MAGI1: variants seen among roughly 807,000 people sequenced by gnomAD.
MAGI1 encodes membrane-associated guanylate kinase, WW and PDZ domain-containing protein 1.
A neutral mutation model predicts 139.9 loss-of-function variants in MAGI1; 58 were observed. The ratio of observed to expected loss-of-function variants is 0.41; its 90% CI spans 0.34 to 0.52. The LOEUF is 0.52. Among genes scored for constraint, MAGI1 ranks in the 20% least tolerant of loss-of-function variants. The pLI, the probability that MAGI1 is intolerant of heterozygous loss-of-function variation, is 0.12. For missense variants in MAGI1, 1,874 were observed against 1,901.6 expected (o/e 0.99, Z 0.27); for synonymous variants, 812 against 737.9 (o/e 1.10, Z -1.63).
At chr3:65,898,930 T>A (rs181517566) in intron 1 of MAGI1, among the ~76,000 whole-genome samples, 13,670 of 151,826 alleles carry the variant, frequency 0.09, 800 homozygotes, top group Middle Eastern at 0.16. Flanking sequence ...TTTAAAAAAA[T>A]TTTTTTTTGA....
chr3:65,891,558 AC>A (rs979543107), intron 1 of MAGI1, among the ~76,000 whole-genome samples: 2 of 152,044 alleles, frequency 1.3e-5, no homozygotes, highest in Admixed American at 6.5e-5. Flanking sequence ...ATTATACATT[AC>A]CAAGGTTACT....
chr3:65,950,898 A>T (rs1358757367), intron 1 of MAGI1, among the ~76,000 whole-genome samples: 1 of 151,808 alleles, frequency 6.6e-6, no homozygotes, highest in African/African-American at 2.4e-5. Context: ...CCACATTAAA[A>T]GAATTGTCTT....
At chr3:65,377,786 T>C (rs933920762) in intron 17 of MAGI1, among the ~76,000 whole-genome samples, 1 of 152,212 alleles carries the variant, frequency 6.6e-6, no homozygotes, top group Non-Finnish European at 1.5e-5. Flanking sequence ...AAAAGCACTG[T>C]TAGTAATAGG....
intron 1 of MAGI1, among the ~76,000 whole-genome samples, chr3:65,950,106 AC>A (rs2063756907): frequency 1.2e-5 from 1 of 84,206 alleles, no homozygotes; most frequent in East Asian, 3.9e-4. Flanking sequence ...AAAAAAAAAA[AC>A]AGAACTAGCA....
chr3:65,378,040 C>T (rs144520210), intron 17 of MAGI1, among the ~76,000 whole-genome samples: 1 of 152,200 alleles, frequency 6.6e-6, no homozygotes, highest in African/African-American at 2.4e-5. Context: ...ACAGCCTGCA[C>T]AGCCCTTCCC....
At chr3:65,743,067 G>A (rs1020708011) in intron 1 of MAGI1, among the ~76,000 whole-genome samples, 3 of 151,920 alleles carry the variant, frequency 2.0e-5, no homozygotes, top group African/African-American at 4.8e-5. Context: ...TCTCTACAAA[G>A]ACATCTGCAT....
At position 65,807,361 on chromosome 3, in the gene MAGI1, C is replaced by T. The variant is rs952827502; in HGVS notation, c.314-185273G>A. Among the ~76,000 whole-genome samples the T allele has an allele frequency of 5.3e-5, 8 of 152,106 alleles. No individual in the cohort carries two copies. The East Asian group carries it at 7.7e-4, about 15-fold the overall frequency. On this transcript the variant is annotated intron_variant, in intron 1 of 22. Coordinates refer to ENST00000402939, the MANE Select transcript of MAGI1 (RefSeq NM_001033057.2). ...ACATATAGGAAGGACAAAAAGGGAC[C>T]GGCTTTCTCTTCAACCTCTGTTTAT...
At chr3:65,397,093 T>A (rs1944451989) in intron 13 of MAGI1, among the ~76,000 whole-genome samples, 1 of 152,288 alleles carries the variant, frequency 6.6e-6, no homozygotes. Flanking sequence ...TCCTATGCCT[T>A]CACCCATCTA....
chr3:65,967,339 C>T (rs1156700953), intron 1 of MAGI1, among the ~76,000 whole-genome samples: 1 of 152,220 alleles, frequency 6.6e-6, no homozygotes, highest in East Asian at 1.9e-4. Flanking sequence ...AAGAAAACAT[C>T]GGGAGGAGAG....
intron 10 of MAGI1, among the ~76,000 whole-genome samples, chr3:65,431,527 T>C (rs1191715378): frequency 2.0e-5 from 3 of 152,224 alleles, no homozygotes; most frequent in Admixed American, 6.6e-5. Context: ...AACGCATGCC[T>C]AGGGCTAAGA....
chr3:65,705,566 C>T (rs1219565150), intron 1 of MAGI1, among the ~76,000 whole-genome samples: 1 of 152,222 alleles, frequency 6.6e-6, no homozygotes, highest in African/African-American at 2.4e-5. Flanking sequence ...TCTTTATTCA[C>T]ATGGGGAGCA....
chr3:65,382,905 CG>C, intron 15 of MAGI1, among the ~76,000 whole-genome samples: 1 of 152,068 alleles, frequency 6.6e-6, no homozygotes, highest in East Asian at 1.9e-4. Context: ...AGTAAGCGCT[CG>C]ATGAATAATG....
chr3:65,571,577 GATAAGCAACCAAC>G (rs536335961), intron 2 of MAGI1, among the ~76,000 whole-genome samples: 208 of 151,886 alleles, frequency 1.4e-3, no homozygotes, highest in African/African-American at 4.7e-3. Flanking sequence ...CAGAAAAAGC[GATAAGCAACCAAC>G]TTCTCTGAGT....
intron 2 of MAGI1, among the ~76,000 whole-genome samples, chr3:65,504,406 A>C (rs1576062918): frequency 6.6e-6 from 1 of 152,238 alleles, no homozygotes; most frequent in African/African-American, 2.4e-5. Context: ...AAAGTAGTTA[A>C]TATTATTATC....
chr3:65,364,792 A>ATAT, intron 19 of MAGI1, 61 bp downstream of exon 19: 3 of 1,606,756 alleles, frequency 1.9e-6, no homozygotes, highest in Non-Finnish European at 1.7e-6. Flanking sequence ...TCAAGGACAT[A>ATAT]TATTGTCATG....
chr3:65,379,057 G>C, intron 17 of MAGI1: 1 of 1,052,990 alleles, frequency 9.5e-7, no homozygotes, highest in Non-Finnish European at 1.4e-6. Context: ...TGTGGAAGTT[G>C]AAAGGGTTGA....
At chr3:65,734,186 G>A (rs2034472273) in intron 1 of MAGI1, among the ~76,000 whole-genome samples, 1 of 152,278 alleles carries the variant, frequency 6.6e-6, no homozygotes, top group Admixed American at 6.5e-5. Flanking sequence ...TGGGTGCAGT[G>A]ACTCACACCT....
intron 1 of MAGI1, among the ~76,000 whole-genome samples, chr3:65,795,984 GA>G (rs535616150): frequency 3.4e-3 from 508 of 149,758 alleles, no homozygotes; most frequent in African/African-American, 0.011. Context: ...ACAGGAGGCG[GA>G]AGGTGCAGTG....
intron 1 of MAGI1, among the ~76,000 whole-genome samples, chr3:65,746,348 C>T (rs1457944733): frequency 6.6e-6 from 1 of 152,096 alleles, no homozygotes; most frequent in East Asian, 1.9e-4. Context: ...ATTCTTAATT[C>T]AATGCATATT....
Sources: allele counts gnomAD v4.1 joint callset (sites outside exome capture counted in the v4.1 genomes callset), GRCh38; gene constraint gnomAD v4.1.1; transcripts MANE v1.5; gene names NCBI Gene and HGNC (gene_info 2026-07-23, HGNC 2026-07-21).